CDH13: variants seen among roughly 807,000 people sequenced by gnomAD.
CDH13 encodes the protein cadherin 13.
CDH13 carries 24 observed loss-of-function variants against 63.8 expected under a neutral mutation model. That is an observed-to-expected ratio of 0.38 (90% CI 0.27 to 0.53). The LOEUF is 0.53. Among genes scored for constraint, CDH13 ranks in the 20% least tolerant of loss-of-function variants. CDH13 has a pLI of 0.85. For synonymous variants in CDH13, 503 were observed against 355.3 expected (o/e 1.42, Z -4.67); for missense variants, 1,049 against 903.1 (o/e 1.16, Z -2.07).
intron 7 of CDH13, among the ~76,000 whole-genome samples, chr16:83,580,625 G>C (rs1482485439): frequency 2.6e-5 from 4 of 151,962 alleles, no homozygotes; most frequent in African/African-American, 9.7e-5. Context: ...CTTCCAAGTA[G>C]CTGAGACTAC....
Position 83,235,062 on chromosome 16 carries a change from C to T in CDH13, c.636+17565C>T, listed in dbSNP as rs375337555. Among the ~76,000 whole-genome samples the T allele has an allele frequency of 9.9e-5, 15 of 152,252 alleles. No individual in the cohort carries two copies. In the East Asian group the frequency reaches 2.1e-3, roughly 22 times the overall value. On this transcript the variant is annotated intron_variant, in intron 5 of 13. Transcript: ENST00000567109. ...AAACAAATAGATAAATAAATTAGCA[C>T]GGTGTGATGTTATGCACCTATAATC...
At chr16:83,736,039 C>T (rs1020416706) in intron 10 of CDH13, 4 of 152,276 alleles carry the variant, frequency 2.6e-5, no homozygotes, top group South Asian at 2.1e-4. Flanking sequence ...AACTCCAAGT[C>T]GTCCTGTTCT....
chr16:83,587,372 G>A (rs8053128), intron 7 of CDH13, among the ~76,000 whole-genome samples: 15,420 of 152,150 alleles, frequency 0.1, 873 homozygotes, highest in Middle Eastern at 0.17. Context: ...GCTGCAAGTC[G>A]TAGACATTTA....
At chr16:83,422,705 C>T (rs1433209157) in intron 6 of CDH13, among the ~76,000 whole-genome samples, 1 of 152,154 alleles carries the variant, frequency 6.6e-6, no homozygotes, top group Non-Finnish European at 1.5e-5. Context: ...GACCTCTAAG[C>T]TCATGTGGCC....
At chr16:83,460,063 A>G (rs1453339996) in intron 6 of CDH13, among the ~76,000 whole-genome samples, 3 of 151,292 alleles carry the variant, frequency 2.0e-5, no homozygotes, top group Non-Finnish European at 2.9e-5. Flanking sequence ...ACTCAATAAG[A>G]TAGCAAAAAA....
intron 8 of CDH13, among the ~76,000 whole-genome samples, chr16:83,619,878 A>C (rs143610718): frequency 6.6e-6 from 1 of 152,302 alleles, no homozygotes; most frequent in African/African-American, 2.4e-5. Context: ...GTGACACAGA[A>C]GTGGAGGATG....
At chr16:83,374,200 C>T (rs2091422276) in intron 6 of CDH13, among the ~76,000 whole-genome samples, 1 of 152,212 alleles carries the variant, frequency 6.6e-6, no homozygotes, top group Admixed American at 6.5e-5. Context: ...AGCCTGCAAA[C>T]TCTGGAATTT....
At chr16:83,377,932 A>C (rs180886971) in intron 6 of CDH13, among the ~76,000 whole-genome samples, 1 of 152,316 alleles carries the variant, frequency 6.6e-6, no homozygotes, top group Admixed American at 6.5e-5. Flanking sequence ...CTCTGGAAAG[A>C]AGCAGACCAT....
At chr16:83,168,128 CA>C (rs1295925091) in intron 4 of CDH13, among the ~76,000 whole-genome samples, 1 of 151,928 alleles carries the variant, frequency 6.6e-6, no homozygotes, top group African/African-American at 2.4e-5. Context: ...CAATGATACT[CA>C]AACCTCAGCG....
chr16:83,528,807 G>A (rs569986744), intron 7 of CDH13, among the ~76,000 whole-genome samples: 93 of 152,280 alleles, frequency 6.1e-4, no homozygotes, highest in Non-Finnish European at 1.2e-3. Flanking sequence ...AGCATTGGTT[G>A]TAGTCAAGAG....
chr16:82,769,217 CCTCACTAGTG>C (rs781455650), intron 1 of CDH13, among the ~76,000 whole-genome samples: 3 of 152,104 alleles, frequency 2.0e-5, no homozygotes, highest in Non-Finnish European at 4.4e-5. Context: ...GGTAATTATC[CCTCACTAGTG>C]CTTGAAAGCG....
intron 5 of CDH13, among the ~76,000 whole-genome samples, chr16:83,246,135 A>G (rs1054672543): frequency 6.6e-6 from 1 of 152,166 alleles, no homozygotes; most frequent in Admixed American, 6.5e-5. Context: ...GGTTTTATTA[A>G]TTATATATTT....
At chr16:83,334,390 C>G (rs1038999213) in intron 5 of CDH13, among the ~76,000 whole-genome samples, 93 of 150,336 alleles carry the variant, frequency 6.2e-4, no homozygotes, top group Non-Finnish European at 1.2e-3. Context: ...CACACACACA[C>G]ACACAGAATC....
chr16:83,137,303 C>G (rs1219665929), intron 4 of CDH13, among the ~76,000 whole-genome samples: 3 of 152,180 alleles, frequency 2.0e-5, no homozygotes, highest in Non-Finnish European at 2.9e-5. Context: ...ACAGAAAAAT[C>G]CAAGTCACTC....
chr16:82,629,600 G>A (rs1465298333), intron 1 of CDH13, among the ~76,000 whole-genome samples: 1 of 152,226 alleles, frequency 6.6e-6, no homozygotes, highest in Non-Finnish European at 1.5e-5. Flanking sequence ...GTGGTGTTCA[G>A]GCAAGCCTGT....
rs143563225 is a variant in CDH13, at chr16:82,974,234, C to T, written c.158-57776C>T. ...GATTACAGGCGTGAGCCACCATGCC[C>T]GGCCTAAGCTTTCTTTGTAAGATGC... On this transcript the variant is annotated intron_variant, in intron 2 of 13. Transcript: ENST00000567109. Among the ~76,000 whole-genome samples the T allele has an allele frequency of 1.9e-4, 29 of 152,288 alleles. No individual in the cohort carries two copies. In the East Asian group the frequency reaches 5.4e-3, roughly 28 times the overall value.
At chr16:83,457,333 T>C (rs938150077) in intron 6 of CDH13, among the ~76,000 whole-genome samples, 1 of 152,104 alleles carries the variant, frequency 6.6e-6, no homozygotes, top group African/African-American at 2.4e-5. Context: ...TGTGTTAGTA[T>C]TGATCACCAT....
intron 6 of CDH13, among the ~76,000 whole-genome samples, chr16:83,434,336 C>G (rs1421632560): frequency 2.0e-5 from 3 of 152,182 alleles, no homozygotes; most frequent in Non-Finnish European, 2.9e-5. Context: ...AGCCTTGGCT[C>G]TGAACCTACT....
intron 7 of CDH13, among the ~76,000 whole-genome samples, chr16:83,592,269 T>A (rs957165272): frequency 1.3e-5 from 2 of 152,196 alleles, no homozygotes; most frequent in Admixed American, 6.5e-5. Flanking sequence ...TCTGACCCCC[T>A]TCATGTAAAC....
Sources: allele counts gnomAD v4.1 joint callset (sites outside exome capture counted in the v4.1 genomes callset), GRCh38; gene constraint gnomAD v4.1.1; transcripts MANE v1.5; gene names NCBI Gene and HGNC (gene_info 2026-07-23, HGNC 2026-07-21).